The following RTTN variants were observed in gnomAD, a reference collection of about 807,000 sequenced individuals.
RTTN encodes rotatin.
A neutral mutation model predicts 269.2 loss-of-function variants in RTTN; 182 were observed. The observed-to-expected ratio is 0.68, with a 90% CI of 0.60 to 0.76. RTTN has a LOEUF of 0.76. Among genes scored for constraint, RTTN ranks in the 30% least tolerant of loss-of-function variants. The pLI is 0.00. For missense variants in RTTN, 2,545 were observed against 2,608.6 expected (o/e 0.98, Z 0.53); for synonymous variants, 1,006 against 963.5 (o/e 1.04, Z -0.82).
In RTTN at chr18:70,205,246, A is replaced by AT; in HGVS notation, c.100dup (p.Ile34AsnfsTer5). The AT allele has an allele frequency of 1.2e-6, 2 of 1,614,232 alleles. No homozygotes were observed. Among genetic ancestry groups the AT allele is most frequent in the Non-Finnish European group, 1.7e-6 (2 of 1,180,038 alleles). ...CTCCTGAATGAGATCAGCGTAGCAG[A>AT]TTAAGTTGTGCTCAATCTTGCAGAG... On this transcript the variant is annotated frameshift_variant, in exon 2 of 49. Transcript: ENST00000640769. LOFTEE classifies it high-confidence loss of function.
At chr18:70,032,603 G>C (rs369154251) in intron 40 of RTTN, among the ~76,000 whole-genome samples, 45 of 152,250 alleles carry the variant, frequency 3.0e-4, no homozygotes, top group African/African-American at 1.0e-3. Flanking sequence ...AAATAGTAAA[G>C]GACTCAATTC....
At chr18:70,188,053 C>T (rs2061586581) in intron 10 of RTTN, 55 bp downstream of exon 10, 6 of 1,100,612 alleles carry the variant, frequency 5.5e-6, no homozygotes, top group Non-Finnish European at 8.2e-6. Context: ...CTTAAAAGAA[C>T]CAAAATCTTA....
Position 70,127,578 on chromosome 18 carries a change from T to G in RTTN, c.3307A>C (p.Arg1103=). ...TRMSFYLLND[R]LSLKGCPGPC... ...CCAGGGCAACCCTTTAAAGACAATC[T>G]GTCATTCAGAAGATAAAAACTCATC... Residue 1103 remains arginine, a synonymous_variant, in exon 25 of 49, where the codon AGA becomes CGA. Coordinates refer to ENST00000640769, the MANE Select transcript of RTTN (RefSeq NM_173630.4). 6.2e-7 allele frequency: 1 copy of G among 1,613,530 alleles called. No individual in the cohort carries two copies. The highest frequency in any genetic ancestry group is 1.7e-5 in the Admixed American group (1 of 59,846).
At position 70,176,675 on chromosome 18, in the gene RTTN, C is replaced by G. The variant is rs773012031; in HGVS notation, c.1476G>C (p.Lys492Asn). 102 of 1,611,716 alleles carry G rather than the reference C, an allele frequency of 6.3e-5. No homozygotes were observed. In the East Asian group the frequency reaches 2.3e-3, roughly 36 times the overall value. The change falls in exon 11 of 49, where the codon AAG becomes AAC. Residue 492 changes from lysine to asparagine, a missense_variant and splice_region_variant. Transcript: ENST00000640769. ...RLLQTLLPVE[K>N]ASEFLSEPMS... Reference sequence around the variant, plus strand: ...AAATGAGCAGCATTGCCTGCCTTACCTTTTCAACAGGGAGAAGCGTTTGTA... The same window carrying G: ...AAATGAGCAGCATTGCCTGCCTTACGTTTTCAACAGGGAGAAGCGTTTGTA...
At chr18:70,161,991 T>C (rs762147158) in intron 14 of RTTN, among the ~76,000 whole-genome samples, 1 of 152,154 alleles carries the variant, frequency 6.6e-6, no homozygotes, top group Non-Finnish European at 1.5e-5. Flanking sequence ...CCATTTGACC[T>C]AGCAATCCCT....
At position 70,086,694 on chromosome 18, in the gene RTTN, TAAAAAAAAAAAAAAAAAAAAAAA is replaced by T. The variant is rs531741265; in HGVS notation, c.4303-33_4303-11del. The T allele has an allele frequency of 2.9e-5, 14 of 487,750 alleles. No homozygotes were observed. Among genetic ancestry groups the T allele is most frequent in the South Asian group, 7.8e-5 (3 of 38,680 alleles). 30.2% of individuals were successfully genotyped at this position (487,750 alleles called of 1,614,324 possible). On this transcript the variant is annotated splice_polypyrimidine_tract_variant and intron_variant, in intron 31 of 48. Transcript: ENST00000640769. ...GAAGAATAAATGCCGCCTGAAAATG[TAAAAAAAAAAAAAAAAAAAAAAA>T]AAAAAAAAAAAAAAAAGGTCAATAC...
chr18:70,040,271 G>A (rs2057300777), intron 40 of RTTN, among the ~76,000 whole-genome samples: 1 of 148,300 alleles, frequency 6.7e-6, no homozygotes, highest in African/African-American at 2.4e-5. Context: ...TGAAAATAAA[G>A]GGATGGAAAA....
chr18:70,097,932 T>G (rs1473919383), intron 28 of RTTN, among the ~76,000 whole-genome samples: 1 of 152,226 alleles, frequency 6.6e-6, no homozygotes, highest in African/African-American at 2.4e-5. Context: ...TCACTTCTTC[T>G]TTAGTTACCG....
At chr18:70,193,510 T>C (rs772012461) in intron 7 of RTTN, 57 bp from the exon 8 acceptor site, 104 of 1,228,610 alleles carry the variant, frequency 8.5e-5, no homozygotes, top group Admixed American at 1.1e-4. Context: ...CTTCTGACTA[T>C]GTGGTATTTA....
At chr18:70,066,194 A>G (rs1340853654) in intron 34 of RTTN, among the ~76,000 whole-genome samples, 1 of 152,198 alleles carries the variant, frequency 6.6e-6, no homozygotes, top group Non-Finnish European at 1.5e-5. Flanking sequence ...GGTTCCCATA[A>G]GGCCAATTCC....
In RTTN at chr18:70,094,108, G is replaced by A. The variant is rs549983518; in HGVS notation, c.3904-1304C>T. Among the ~76,000 whole-genome samples, 627 of 151,182 alleles carry A rather than the reference G, an allele frequency of 4.1e-3. 2 individuals carry two copies. The highest frequency in any genetic ancestry group is 7.3e-3 in the South Asian group (35 of 4,766). On this transcript the variant is annotated intron_variant, in intron 28 of 48. Transcript: ENST00000640769. ...AGAGGTGTTTATAACACTCTCTGACGGTAGTTTGGATTTCTGTGGGATCAG... is the reference window on the plus strand; with the variant it reads ...AGAGGTGTTTATAACACTCTCTGACAGTAGTTTGGATTTCTGTGGGATCAG...
chr18:70,006,211 A>T (rs982920796), intron 47 of RTTN, 170 bp downstream of exon 47: 1 of 527,554 alleles, frequency 1.9e-6, no homozygotes, highest in African/African-American at 1.9e-5. Context: ...AAAAGATTTC[A>T]ACTGATGGTT....
rs190124414 is a variant in RTTN, at chr18:70,104,208, A to T, written c.3903+5290T>A. On this transcript the variant is annotated intron_variant, in intron 28 of 48. Transcript: ENST00000640769. ...GTTTCTTTTTATTCTTTTTTCTCTA[A>T]ACTTCTCTTCTCGCTTCATTTCATT... Among the ~76,000 whole-genome samples, 11 of 152,010 alleles carry T rather than the reference A, an allele frequency of 7.2e-5. No homozygotes were observed. In the South Asian group the frequency reaches 1.7e-3, roughly 23 times the overall value.
At chr18:70,157,416 C>T (rs961763257) in intron 14 of RTTN, among the ~76,000 whole-genome samples, 36 of 152,150 alleles carry the variant, frequency 2.4e-4, no homozygotes, top group African/African-American at 8.5e-4. Context: ...CAACTTATAC[C>T]ACAGTAAAAT....
At chr18:70,183,038 C>T (rs1599953750) in intron 10 of RTTN, among the ~76,000 whole-genome samples, 1 of 152,114 alleles carries the variant, frequency 6.6e-6, no homozygotes, top group South Asian at 2.1e-4. Flanking sequence ...GTAAAACTTC[C>T]AATTCTGGCC....
intron 39 of RTTN, 91 bp from the exon 40 acceptor site, chr18:70,048,279 T>C (rs1436891107): frequency 8.4e-7 from 1 of 1,184,694 alleles, no homozygotes; most frequent in East Asian, 2.5e-5. Context: ...AACTATACTC[T>C]GGATCATCTA....
Position 70,168,791 on chromosome 18 carries a change from G to C in RTTN, c.1689+64C>G. On this transcript the variant is annotated intron_variant, in intron 12 of 48. Coordinates refer to ENST00000640769, the MANE Select transcript of RTTN (RefSeq NM_173630.4). Reference sequence around the variant, plus strand: ...AATTATATGTCCATCAATTTGAAAAGTATAGATTAAATTTTCAAAATATGT... The same window carrying C: ...AATTATATGTCCATCAATTTGAAAACTATAGATTAAATTTTCAAAATATGT... The C allele has an allele frequency of 3.3e-6, 4 of 1,223,382 alleles. No individual in the cohort carries two copies. The South Asian group carries it at 4.3e-5, about 13-fold the overall frequency. The allele number at this position is 1,223,382 out of a possible 1,614,324, so 75.8% of individuals were successfully genotyped here. A position where few individuals can be genotyped will look rare whatever the true frequency, so the allele number is the denominator to read the frequency against.
At chr18:70,072,609 T>C (rs756973248) in intron 34 of RTTN, among the ~76,000 whole-genome samples, 22 of 152,132 alleles carry the variant, frequency 1.4e-4, no homozygotes, top group African/African-American at 5.3e-4. Flanking sequence ...CACCACAAAA[T>C]AGCTAAGATA....
intron 29 of RTTN, among the ~76,000 whole-genome samples, 180 bp downstream of exon 29, chr18:70,092,496 C>G (rs2058877534): frequency 6.6e-6 from 1 of 152,158 alleles, no homozygotes; most frequent in Non-Finnish European, 1.5e-5. Flanking sequence ...AAATAAGATT[C>G]AGATTTGTTA....
Sources: allele counts gnomAD v4.1 joint callset (sites outside exome capture counted in the v4.1 genomes callset), GRCh38; gene constraint gnomAD v4.1.1; transcripts MANE v1.5; gene names NCBI Gene and HGNC (gene_info 2026-07-23, HGNC 2026-07-21).